Variants in EYS observed in about 807,000 individuals in gnomAD.
The protein encoded by EYS is EGF-like photoreceptor maintenance factor.
EYS carries 250 observed loss-of-function variants against 282.1 expected under a neutral mutation model. That is an observed-to-expected ratio of 0.89 (90% CI 0.80 to 0.98). EYS has a LOEUF of 0.98. Among genes scored for constraint, EYS ranks in the 50% least tolerant of loss-of-function variants. The probability of loss-of-function intolerance (pLI) is 0.00; values close to 1 mark genes in which losing one functional copy is unlikely to be tolerated. For synonymous variants in EYS, 1,355 were observed against 1,282.9 expected (o/e 1.06, Z -1.20); for missense variants, 4,016 against 3,709.0 (o/e 1.08, Z -2.15).
rs35009856 is a variant in EYS, at chr6:65,494,438, C to T, written c.748+225G>A. On this transcript the variant is annotated intron_variant, in intron 4 of 42. Coordinates refer to ENST00000503581, the MANE Select transcript of EYS (RefSeq NM_001142800.2). Reference sequence around the variant, plus strand: ...GACTACAGGCGCCCTCCACCATGCTCGGCTAATTTTTTTTTTGTATTTTTA... The same window carrying T: ...GACTACAGGCGCCCTCCACCATGCTTGGCTAATTTTTTTTTTGTATTTTTA... 0.098 allele frequency among the ~76,000 whole-genome samples: 14,688 copies of T among 150,210 alleles called. 931 individuals are homozygous for T. The highest frequency in any genetic ancestry group is 0.19 in the South Asian group (890 of 4,804).
chr6:64,416,689 T>C (rs1311044871), intron 28 of EYS, among the ~76,000 whole-genome samples: 1 of 152,152 alleles, frequency 6.6e-6, no homozygotes, highest in African/African-American at 2.4e-5. Context: ...ATTTCTGCAT[T>C]TTTATTTTGA....
At chr6:64,014,036 C>A (rs1329315427) in intron 33 of EYS, among the ~76,000 whole-genome samples, 1 of 151,974 alleles carries the variant, frequency 6.6e-6, no homozygotes, top group East Asian at 1.9e-4. Flanking sequence ...GGTGTTCACT[C>A]CTCTGAGTAA....
intron 26 of EYS, among the ~76,000 whole-genome samples, chr6:64,460,426 C>CT (rs1336824566): frequency 2.6e-5 from 4 of 152,164 alleles, no homozygotes; most frequent in African/African-American, 7.2e-5. Context: ...ATCAAATAAT[C>CT]TGTCTCAATA....
At chr6:64,107,862 G>A (rs185287984) in intron 31 of EYS, among the ~76,000 whole-genome samples, 17 of 152,016 alleles carry the variant, frequency 1.1e-4, no homozygotes, top group East Asian at 3.9e-4. Context: ...TTGGATAGCC[G>A]GTGTCCTCAG....
intron 40 of EYS, among the ~76,000 whole-genome samples, chr6:63,767,604 T>C (rs963804045): frequency 6.6e-6 from 1 of 152,044 alleles, no homozygotes; most frequent in East Asian, 1.9e-4. Flanking sequence ...GAAAAAAGAT[T>C]TCCTGCTCAT....
intron 5 of EYS, among the ~76,000 whole-genome samples, chr6:65,414,162 T>A (rs1311500062): frequency 6.6e-6 from 1 of 152,082 alleles, no homozygotes; most frequent in African/African-American, 2.4e-5. Context: ...GACTTTGAGT[T>A]GAGAGCATGC....
chr6:65,582,071 C>T (rs1764892251), intron 2 of EYS, among the ~76,000 whole-genome samples: 3 of 151,516 alleles, frequency 2.0e-5, no homozygotes, highest in Admixed American at 2.0e-4. Flanking sequence ...TGGTGCACAC[C>T]TGTAATCCCA....
At chr6:64,949,258 C>T (rs1281122468) in intron 14 of EYS, among the ~76,000 whole-genome samples, 2 of 151,908 alleles carry the variant, frequency 1.3e-5, no homozygotes, top group Non-Finnish European at 2.9e-5. Context: ...AAATCCTTTG[C>T]TTTCGGTCTC....
At chr6:64,669,401 T>A (rs1158967201) in intron 22 of EYS, among the ~76,000 whole-genome samples, 3 of 151,826 alleles carry the variant, frequency 2.0e-5, no homozygotes, top group African/African-American at 7.3e-5. Flanking sequence ...GGGGGAAAGA[T>A]GAAGAGAGAG....
intron 22 of EYS, among the ~76,000 whole-genome samples, chr6:64,790,441 GA>G (rs569751794): frequency 9.9e-5 from 15 of 150,864 alleles, no homozygotes; most frequent in East Asian, 3.9e-4. Context: ...CATAAGACAA[GA>G]AAAAAAATGT....
At chr6:65,165,044 G>C (rs1384227783) in intron 12 of EYS, among the ~76,000 whole-genome samples, 1 of 151,204 alleles carries the variant, frequency 6.6e-6, no homozygotes, top group Non-Finnish European at 1.5e-5. Flanking sequence ...AACTTTAGGG[G>C]TACACGGTTA....
At chr6:63,954,153 T>C (rs1765714764) in intron 35 of EYS, among the ~76,000 whole-genome samples, 1 of 152,196 alleles carries the variant, frequency 6.6e-6, no homozygotes, top group South Asian at 2.1e-4. Context: ...CCTGTGACTG[T>C]ATATCTCTGA....
intron 31 of EYS, among the ~76,000 whole-genome samples, chr6:64,121,456 A>G (rs533524646): frequency 2.0e-5 from 3 of 152,358 alleles, no homozygotes; most frequent in Admixed American, 2.0e-4. Context: ...TATGGCTAAT[A>G]TGTGGCGGAG....
chr6:64,607,873 A>C (rs971713946), intron 24 of EYS, among the ~76,000 whole-genome samples: 2 of 152,100 alleles, frequency 1.3e-5, no homozygotes, highest in Non-Finnish European at 2.9e-5. Context: ...AGCGACCAAC[A>C]TCTCTGAGCC....
intron 11 of EYS, chr6:65,332,276 A>G (rs1405732085): frequency 2.9e-6 from 2 of 690,764 alleles, no homozygotes; most frequent in South Asian, 1.6e-5. Context: ...TATTTATTCT[A>G]TTGATACATT....
At chr6:65,395,606 A>T (rs1766250771) in intron 7 of EYS, among the ~76,000 whole-genome samples, 1 of 152,140 alleles carries the variant, frequency 6.6e-6, no homozygotes, top group Admixed American at 6.6e-5. Context: ...TATAGTCATT[A>T]CCTTGAACAT....
intron 40 of EYS, among the ~76,000 whole-genome samples, chr6:63,770,891 A>G (rs954350866): frequency 6.6e-6 from 1 of 152,162 alleles, no homozygotes; most frequent in African/African-American, 2.4e-5. Context: ...GGGTTGCTAT[A>G]ATAATCACTC....
chr6:65,460,150 TAAAAG>T (rs1764778613), intron 5 of EYS, among the ~76,000 whole-genome samples: 1 of 142,430 alleles, frequency 7.0e-6, no homozygotes, highest in African/African-American at 2.6e-5. Context: ...AGAGAAAAAA[TAAAAG>T]GAAAGAGGAA....
At position 63,958,264 on chromosome 6, in the gene EYS, C is replaced by T. The variant is rs911126284; in HGVS notation, c.7055+26119G>A. Reference sequence around the variant, plus strand: ...CCATACCAATTAAGCTATCAGTCTACCTGAACAGATATATACTCTACAAGT... The same window carrying T: ...CCATACCAATTAAGCTATCAGTCTATCTGAACAGATATATACTCTACAAGT... On this transcript the variant is annotated intron_variant, in intron 35 of 42. Transcript: ENST00000503581. Among the ~76,000 whole-genome samples the T allele has an allele frequency of 7.9e-5, 11 of 139,998 alleles. 1 individual carries two copies. The highest frequency in any genetic ancestry group is 1.6e-4 in the Non-Finnish European group (10 of 61,628). 91.8% of individuals were successfully genotyped at this position (139,998 alleles called of 152,430 possible).
Sources: allele counts gnomAD v4.1 joint callset (sites outside exome capture counted in the v4.1 genomes callset), GRCh38; gene constraint gnomAD v4.1.1; transcripts MANE v1.5; gene names NCBI Gene and HGNC (gene_info 2026-07-23, HGNC 2026-07-21).